NSUN6: variants seen among roughly 807,000 people sequenced by gnomAD.
NSUN6 encodes the protein tRNA (cytosine(72)-C(5))-methyltransferase NSUN6.
In NSUN6, 64 loss-of-function variants were observed where a neutral mutation model predicts 58.0. The ratio of observed to expected loss-of-function variants is 1.10; its 90% CI spans 0.90 to 1.36. The LOEUF is 1.36. Ranked by LOEUF, NSUN6 falls within the 40% of genes most tolerant of loss-of-function variation. The pLI, the probability that NSUN6 is intolerant of heterozygous loss-of-function variation, is 0.00. For missense variants in NSUN6, 701 were observed against 550.1 expected (o/e 1.27, Z -2.74); for synonymous variants, 231 against 193.9 (o/e 1.19, Z -1.59).
intron 3 of NSUN6, among the ~76,000 whole-genome samples, chr10:18,616,884 T>C (rs1265165813): frequency 6.6e-6 from 1 of 152,166 alleles, no homozygotes; most frequent in Non-Finnish European, 1.5e-5. Context: ...AATGAGTCTC[T>C]AATAAGCTTC....
intron 3 of NSUN6, among the ~76,000 whole-genome samples, chr10:18,641,842 G>C (rs2059399809): frequency 6.6e-6 from 1 of 152,154 alleles, no homozygotes; most frequent in Admixed American, 6.5e-5. Context: ...GCTAAGGTGG[G>C]AGGATTGTTT....
chr10:18,633,504 G>A (rs2131501681), intron 3 of NSUN6, among the ~76,000 whole-genome samples: 1 of 152,238 alleles, frequency 6.6e-6, no homozygotes, highest in East Asian at 1.9e-4. Context: ...TAATCCCGAT[G>A]ATGAGAAATA....
At chr10:18,635,479 A>T (rs1039197127) in intron 3 of NSUN6, among the ~76,000 whole-genome samples, 8 of 152,174 alleles carry the variant, frequency 5.3e-5, no homozygotes, top group Non-Finnish European at 1.0e-4. Flanking sequence ...AAGGTAAGAA[A>T]AAATATTCAA....
At chr10:18,629,152 CTAAGCTTCAT>C (rs1327876044) in intron 3 of NSUN6, among the ~76,000 whole-genome samples, 14 of 152,096 alleles carry the variant, frequency 9.2e-5, no homozygotes, top group Non-Finnish European at 2.1e-4. Context: ...TCCACCCAAA[CTAAGCTTCAT>C]AAGTGAAGGA....
intron 2 of NSUN6, among the ~76,000 whole-genome samples, chr10:18,644,475 AT>A (rs977239566): frequency 7.0e-6 from 1 of 143,794 alleles, no homozygotes; most frequent in Non-Finnish European, 1.5e-5. Context: ...TGAACACATT[AT>A]TTTTTTCACT....
chr10:18,597,021 T>G (rs767202977), intron 6 of NSUN6, among the ~76,000 whole-genome samples: 12 of 152,086 alleles, frequency 7.9e-5, no homozygotes, highest in Non-Finnish European at 1.6e-4. Flanking sequence ...TTCCACCACA[T>G]TTCAACAGGA....
At chr10:18,634,036 G>A (rs1466367653) in intron 3 of NSUN6, among the ~76,000 whole-genome samples, 1 of 152,190 alleles carries the variant, frequency 6.6e-6, no homozygotes. Flanking sequence ...GATCCTTCTT[G>A]AGCAAACTGC....
chr10:18,620,800 TTAGAC>T (rs1284173376), intron 3 of NSUN6, among the ~76,000 whole-genome samples: 1 of 152,238 alleles, frequency 6.6e-6, no homozygotes, highest in Non-Finnish European at 1.5e-5. Flanking sequence ...TCTCCTGACT[TTAGAC>T]TATAGAACTA....
chr10:18,562,758 T>C (rs1427749731), intron 8 of NSUN6, among the ~76,000 whole-genome samples: 1 of 144,872 alleles, frequency 6.9e-6, no homozygotes, highest in Non-Finnish European at 1.5e-5. Flanking sequence ...TGAACTGGAA[T>C]GGACAATGGA....
chr10:18,657,374 G>T (rs921634124), upstream of NSUN6, among the ~76,000 whole-genome samples: 1 of 152,054 alleles, frequency 6.6e-6, no homozygotes, highest in African/African-American at 2.4e-5. Context: ...CATAAGAAAG[G>T]TGTTAAAAGT....
rs764213334 is a variant in NSUN6, at chr10:18,546,021, T to C, written c.1322A>G (p.Glu441Gly). The change falls in exon 11 of 11, where the codon GAG (glutamate) becomes GGG (glycine). Residue 441 changes from glutamate to glycine, a missense_variant. Physicochemically the swap from Glu to Gly is moderately conservative, Grantham distance 98. Transcript: ENST00000377304. ...ACGCAACATGTCTTCTCTTCTGGCC[T>C]CTCTAAGAGAGTCCATGTCAGTGTC... is the stretch of plus-strand genomic sequence containing the variant. ...LPDTDMDSLR[E>G]ARREDMLRLA... 1 of 1,583,008 alleles carries C rather than the reference T, an allele frequency of 6.3e-7. No homozygotes were observed. Among genetic ancestry groups the C allele is most frequent in the Non-Finnish European group, 8.5e-7 (1 of 1,170,318 alleles).
intron 9 of NSUN6, among the ~76,000 whole-genome samples, chr10:18,549,393 T>C (rs1228337168): frequency 6.6e-6 from 1 of 152,164 alleles, no homozygotes; most frequent in Non-Finnish European, 1.5e-5. Flanking sequence ...TTACTCCTTA[T>C]CTTTGCATGT....
In NSUN6 at chr10:18,643,241, G is replaced by T. The variant is rs568666057; in HGVS notation, c.232-686C>A. ...GAAAGGGTTTGTTAAATATGTACCA[G>T]CATACCACTGTCACAAGCAGAAGAC... On this transcript the variant is annotated intron_variant, in intron 2 of 10. Coordinates refer to ENST00000377304, the MANE Select transcript of NSUN6 (RefSeq NM_182543.5). 1.3e-3 allele frequency among the ~76,000 whole-genome samples: 201 copies of T among 151,210 alleles called. 1 individual carries two copies. Among genetic ancestry groups the T allele is most frequent in the Admixed American group, 1.5e-3 (23 of 15,126 alleles).
chr10:18,629,923 C>T (rs1260769583), intron 3 of NSUN6, among the ~76,000 whole-genome samples: 1 of 150,450 alleles, frequency 6.6e-6, no homozygotes, highest in Non-Finnish European at 1.5e-5. Flanking sequence ...ATCTACAGAA[C>T]TCTCCACCCC....
At chr10:18,557,922 A>T (rs192565085) in intron 8 of NSUN6, among the ~76,000 whole-genome samples, 10 of 151,614 alleles carry the variant, frequency 6.6e-5, no homozygotes, top group Non-Finnish European at 1.3e-4. Context: ...ATGGTGTGGA[A>T]TGGAAGGGAA....
intron 10 of NSUN6, among the ~76,000 whole-genome samples, chr10:18,546,705 C>T (rs2054284929): frequency 1.3e-5 from 2 of 152,050 alleles, no homozygotes; most frequent in Admixed American, 1.3e-4. Context: ...AGGTGACACC[C>T]TGTCTCTACC....
Position 18,582,504 on chromosome 10 carries a change from A to G in NSUN6, c.922+3445T>C, listed in dbSNP as rs74973267. On this transcript the variant is annotated intron_variant, in intron 8 of 10. Coordinates refer to ENST00000377304, the MANE Select transcript of NSUN6 (RefSeq NM_182543.5). ...AAAGACCGGAGAAGTTTATGAGAGA[A>G]TCAAGGTATGAGACAGCGAGAAGAG... 4.5e-3 allele frequency among the ~76,000 whole-genome samples: 679 copies of G among 152,304 alleles called. 6 individuals carry two copies. Among genetic ancestry groups the G allele is most frequent in the African/African-American group, 0.015 (644 of 41,560 alleles).
intron 7 of NSUN6, among the ~76,000 whole-genome samples, chr10:18,595,165 G>A (rs1420929954): frequency 6.6e-6 from 1 of 152,168 alleles, no homozygotes; most frequent in Non-Finnish European, 1.5e-5. Context: ...TTCACCTGCA[G>A]GTGACCAGTA....
At chr10:18,559,903 A>G (rs1305742562) in intron 8 of NSUN6, among the ~76,000 whole-genome samples, 1 of 150,188 alleles carries the variant, frequency 6.7e-6, no homozygotes, top group Non-Finnish European at 1.5e-5. Context: ...GGGGAATGGA[A>G]TGGAATGGAG....
Sources: gnomAD v4.1 joint callset for allele counts (sites outside exome capture counted in the v4.1 genomes callset) on GRCh38, gnomAD v4.1.1 for gene constraint, MANE v1.5 for transcripts, NCBI Gene and HGNC (gene_info 2026-07-23, HGNC 2026-07-21) for gene names.